FHIT: variants seen among roughly 807,000 people sequenced by gnomAD.
The protein encoded by FHIT is bis(5'-adenosyl)-triphosphatase.
FHIT carries 19 observed loss-of-function variants against 17.9 expected under a neutral mutation model. The ratio of observed to expected loss-of-function variants is 1.06; its 90% CI spans 0.74 to 1.56. The LOEUF is 1.56. Ranked by LOEUF, FHIT falls within the 40% of genes most tolerant of loss-of-function variation. The probability of loss-of-function intolerance (pLI) is 0.00; values close to 1 mark genes in which losing one functional copy is unlikely to be tolerated. For synonymous variants in FHIT, 81 were observed against 69.7 expected (o/e 1.16, Z -0.81); for missense variants, 248 against 189.2 (o/e 1.31, Z -1.82).
chr3:60,755,101 T>A (rs185310170), intron 4 of FHIT, among the ~76,000 whole-genome samples: 37 of 152,332 alleles, frequency 2.4e-4, no homozygotes, highest in Admixed American at 1.7e-3. Flanking sequence ...CTTCTTCAAG[T>A]ATATAAATCC....
chr3:59,844,401 G>A (rs1015715909), intron 8 of FHIT, among the ~76,000 whole-genome samples: 13 of 151,986 alleles, frequency 8.6e-5, no homozygotes, highest in African/African-American at 2.4e-4. Context: ...TCAGTCTTTC[G>A]TCACTGAACA....
intron 4 of FHIT, among the ~76,000 whole-genome samples, chr3:60,780,055 A>G (rs1428707908): frequency 6.6e-6 from 1 of 152,144 alleles, no homozygotes; most frequent in Non-Finnish European, 1.5e-5. Flanking sequence ...AGGATAGAAG[A>G]TGGAAAGAGG....
chr3:60,142,695 T>TC (rs1559672246), intron 5 of FHIT, among the ~76,000 whole-genome samples: 1 of 84,934 alleles, frequency 1.2e-5, no homozygotes, highest in East Asian at 3.2e-4. Context: ...TTTTTTTTTC[T>TC]TTTTTTTTTT....
At chr3:60,358,839 C>A (rs1259719958) in intron 5 of FHIT, among the ~76,000 whole-genome samples, 1 of 152,146 alleles carries the variant, frequency 6.6e-6, no homozygotes, top group Non-Finnish European at 1.5e-5. Flanking sequence ...TCCTTTCTGA[C>A]TGTCTTCATC....
intron 5 of FHIT, among the ~76,000 whole-genome samples, chr3:60,206,166 A>AT (rs748982848): frequency 0.13 from 17,658 of 136,892 alleles, 1,197 homozygotes; most frequent in East Asian, 0.22. Flanking sequence ...AATAATAATA[A>AT]TAATAATTAT....
At chr3:60,179,818 G>C (rs900210971) in intron 5 of FHIT, among the ~76,000 whole-genome samples, 1 of 151,998 alleles carries the variant, frequency 6.6e-6, no homozygotes, top group Non-Finnish European at 1.5e-5. Flanking sequence ...CTGACATCTT[G>C]GTCTCTCTAA....
intron 7 of FHIT, among the ~76,000 whole-genome samples, chr3:60,007,986 T>A (rs1413912097): frequency 6.6e-6 from 1 of 152,180 alleles, no homozygotes; most frequent in Non-Finnish European, 1.5e-5. Flanking sequence ...ATACTCAGTA[T>A]GCAGAGCTAG....
At chr3:60,652,388 G>A (rs1457372220) in intron 4 of FHIT, among the ~76,000 whole-genome samples, 1 of 152,046 alleles carries the variant, frequency 6.6e-6, no homozygotes, top group Non-Finnish European at 1.5e-5. Context: ...GATCACTTGA[G>A]GTTGGGAGTT....
chr3:61,139,427 T>C (rs879570850), intron 2 of FHIT, among the ~76,000 whole-genome samples: 2 of 152,158 alleles, frequency 1.3e-5, no homozygotes, highest in Admixed American at 1.3e-4. Context: ...CCCAATGTGA[T>C]GGAATTAGGA....
intron 5 of FHIT, among the ~76,000 whole-genome samples, chr3:60,363,401 T>C (rs1699982133): frequency 6.6e-6 from 1 of 152,196 alleles, no homozygotes; most frequent in South Asian, 2.1e-4. Context: ...ATCATTCTTT[T>C]ATTTCAAGTA....
At chr3:60,951,006 G>A (rs901663030) in intron 3 of FHIT, among the ~76,000 whole-genome samples, 1 of 152,124 alleles carries the variant, frequency 6.6e-6, no homozygotes, top group Non-Finnish European at 1.5e-5. Context: ...CAAAACATCA[G>A]CTCTAGATTA....
At chr3:60,061,456 T>A (rs1702291999) in intron 5 of FHIT, among the ~76,000 whole-genome samples, 1 of 152,234 alleles carries the variant, frequency 6.6e-6, no homozygotes, top group Non-Finnish European at 1.5e-5. Context: ...TTTTTTATGC[T>A]CTTTCCCTCA....
intron 5 of FHIT, among the ~76,000 whole-genome samples, chr3:60,351,258 T>C (rs1279835434): frequency 6.6e-6 from 1 of 152,230 alleles, no homozygotes; most frequent in Non-Finnish European, 1.5e-5. Context: ...GCACATTGTT[T>C]AGTTTGACTG....
intron 4 of FHIT, among the ~76,000 whole-genome samples, chr3:60,723,002 T>C (rs2041842821): frequency 6.6e-6 from 1 of 152,156 alleles, no homozygotes; most frequent in Non-Finnish European, 1.5e-5. Context: ...ATTACAGGCA[T>C]GAACCACCGT....
At chr3:60,058,574 C>CCCTTTGAAAG (rs1702179189) in intron 5 of FHIT, among the ~76,000 whole-genome samples, 1 of 152,124 alleles carries the variant, frequency 6.6e-6, no homozygotes, top group Non-Finnish European at 1.5e-5. Context: ...TGTAGTTTGC[C>CCCTTTGAAAG]ATCACACAAA....
chr3:60,605,180 A>G (rs542177178), intron 4 of FHIT, among the ~76,000 whole-genome samples: 2 of 152,314 alleles, frequency 1.3e-5, no homozygotes, highest in East Asian at 3.9e-4. Flanking sequence ...AAGCTTAGGC[A>G]ATAACTTAGT....
At chr3:60,842,010 GA>G (rs1337677293) in intron 3 of FHIT, among the ~76,000 whole-genome samples, 1 of 152,072 alleles carries the variant, frequency 6.6e-6, no homozygotes, top group Non-Finnish European at 1.5e-5. Context: ...TTTATGTTTG[GA>G]AGACCATAGG....
chr3:60,099,138 G>A (rs758943558), intron 5 of FHIT, among the ~76,000 whole-genome samples: 3 of 152,126 alleles, frequency 2.0e-5, no homozygotes, highest in African/African-American at 7.2e-5. Context: ...ATCATGCGCT[G>A]TTGCCTGAAC....
At chr3:61,127,018 C>T (rs767418838) in intron 2 of FHIT, among the ~76,000 whole-genome samples, 11 of 152,164 alleles carry the variant, frequency 7.2e-5, no homozygotes, top group African/African-American at 1.7e-4. Flanking sequence ...ACCACAAGCG[C>T]GGTGGCAGAT....
Sources: gnomAD v4.1 joint callset for allele counts (sites outside exome capture counted in the v4.1 genomes callset) on GRCh38, gnomAD v4.1.1 for gene constraint, MANE v1.5 for transcripts, NCBI Gene and HGNC (gene_info 2026-07-23, HGNC 2026-07-21) for gene names.